The following FBN2 variants were observed in gnomAD, a reference collection of about 807,000 sequenced individuals.
FBN2 encodes the protein fibrillin-2.
A neutral mutation model predicts 355.6 loss-of-function variants in FBN2; 105 were observed. That is an observed-to-expected ratio of 0.30 (90% CI 0.25 to 0.35). The LOEUF (loss-of-function observed/expected upper bound fraction) is 0.35, where lower values mean the gene tolerates loss of function less well. FBN2 is among the 10% of genes least tolerant of loss of function. FBN2 has a pLI of 1.00. For synonymous variants in FBN2, 1,350 were observed against 1,301.2 expected, an observed-to-expected ratio of 1.04 and a Z score of -0.81; for missense variants, 3,280 against 3,758.7, an observed-to-expected ratio of 0.87 and a Z score of 3.33.
At chr5:128,503,947 C>G (rs955901597) in intron 5 of FBN2, among the ~76,000 whole-genome samples, 2 of 152,094 alleles carry the variant, frequency 1.3e-5, no homozygotes, top group Non-Finnish European at 2.9e-5. Flanking sequence ...CCCCAGGCCC[C>G]CCACACTCAA....
chr5:128,333,162 C>G, intron 31 of FBN2, 128 bp from the exon 32 acceptor site: 1 of 809,004 alleles, frequency 1.2e-6, no homozygotes. Context: ...AGTAGCCTAA[C>G]TAACTTTTAT....
At position 128,464,899 on chromosome 5, in the gene FBN2, G is replaced by A. The variant is rs1447263174; in HGVS notation, c.651C>T (p.Phe217=). 2 of 1,614,116 alleles carry A rather than the reference G, an allele frequency of 1.2e-6. No individual in the cohort carries two copies. Among genetic ancestry groups the A allele is most frequent in the African/African-American group, 2.7e-5 (2 of 74,946 alleles). ...GGCACATCTGGTTGTTGACCTGAGT[G>A]AAACACGGGCCTGTCCTGTAATCTG... The part of the protein sequence containing the change: ...CERDYRTGPC[F]TQVNNQMCQG... The change falls in exon 6 of 65, where the codon TTC becomes TTT. Residue 217 remains phenylalanine (F), a synonymous_variant. Coordinates refer to ENST00000262464, the MANE Select transcript of FBN2 (RefSeq NM_001999.4).
intron 4 of FBN2, among the ~76,000 whole-genome samples, chr5:128,519,594 T>C (rs188981439): frequency 5.3e-4 from 80 of 152,214 alleles, no homozygotes; most frequent in African/African-American, 1.9e-3. Flanking sequence ...TAAATCACAC[T>C]GTTAAGCAAG....
chr5:128,360,524 G>C (rs1204365113), intron 19 of FBN2, among the ~76,000 whole-genome samples: 2 of 151,950 alleles, frequency 1.3e-5, no homozygotes, highest in Non-Finnish European at 2.9e-5. Flanking sequence ...GTCACCAGAA[G>C]TAAGTTTAGA....
At chr5:128,436,579 C>A (rs1006229530) in intron 7 of FBN2, among the ~76,000 whole-genome samples, 4 of 148,556 alleles carry the variant, frequency 2.7e-5, no homozygotes, top group South Asian at 2.1e-4. Flanking sequence ...GATAGGAAAA[C>A]GGTAACCCTA....
intron 7 of FBN2, among the ~76,000 whole-genome samples, chr5:128,426,279 A>T (rs1294084218): frequency 6.6e-6 from 1 of 152,216 alleles, no homozygotes; most frequent in Non-Finnish European, 1.5e-5. Flanking sequence ...CACACTTCAG[A>T]GATCTTGACC....
chr5:128,342,811 C>T (rs1395057393), intron 25 of FBN2, among the ~76,000 whole-genome samples: 2 of 151,996 alleles, frequency 1.3e-5, no homozygotes, highest in South Asian at 4.2e-4. Flanking sequence ...TCACCAAAAC[C>T]TCCGCTTCCT....
intron 7 of FBN2, among the ~76,000 whole-genome samples, chr5:128,430,029 C>A (rs1753579683): frequency 6.6e-6 from 1 of 152,098 alleles, no homozygotes; most frequent in African/African-American, 2.4e-5. Flanking sequence ...TCATTTAAAG[C>A]ACTTTTTTTA....
At position 128,289,262 on chromosome 5, in the gene FBN2, A is replaced by G; in HGVS notation, c.6512-10T>C. The G allele has an allele frequency of 1.2e-6, 2 of 1,613,754 alleles. No homozygotes were observed. The highest frequency in any genetic ancestry group is 2.2e-5 in the East Asian group (1 of 44,878). On this transcript the variant is annotated splice_polypyrimidine_tract_variant and intron_variant, in intron 51 of 64. Transcript: ENST00000262464. Reference sequence around the variant, plus strand: ...AGACACTCATTGACATCTAAAATATAGAACTGCATGTGAATTTCCTCATAT... The same window carrying G: ...AGACACTCATTGACATCTAAAATATGGAACTGCATGTGAATTTCCTCATAT...
intron 39 of FBN2, among the ~76,000 whole-genome samples, chr5:128,310,402 A>ATATATATATATT (rs1475271868): frequency 4.3e-5 from 1 of 23,306 alleles, no homozygotes; most frequent in Non-Finnish European, 7.7e-5. Context: ...ATATATATAT[A>ATATATATATATT]TTTTTTTTTT....
Position 128,333,136 on chromosome 5 carries a change from A to C in FBN2, c.4100-102T>G, listed in dbSNP as rs111394223. On this transcript the variant is annotated intron_variant, in intron 31 of 64. Transcript: ENST00000262464. ...GGTAACATTTTAAAGTAAAGATGCAACCGTATGGAGAAAAGAGTAGCCTAA... is the reference window on the plus strand; with the variant it reads ...GGTAACATTTTAAAGTAAAGATGCACCCGTATGGAGAAAAGAGTAGCCTAA... 71 of 1,042,560 alleles carry C rather than the reference A, an allele frequency of 6.8e-5. 1 individual carries two copies. The African/African-American group carries it at 7.8e-4, about 11-fold the overall frequency. The allele number at this position is 1,042,560 out of a possible 1,614,324, so 64.6% of individuals were successfully genotyped here.
chr5:128,419,436 T>C (rs1753286910), intron 7 of FBN2, among the ~76,000 whole-genome samples: 1 of 152,200 alleles, frequency 6.6e-6, no homozygotes, highest in Non-Finnish European at 1.5e-5. Flanking sequence ...TGATGTTAGT[T>C]GTAGTTTTTC....
At chr5:128,502,653 T>C (rs1755850419) in intron 5 of FBN2, among the ~76,000 whole-genome samples, 1 of 152,250 alleles carries the variant, frequency 6.6e-6, no homozygotes, top group South Asian at 2.1e-4. Flanking sequence ...ATAAAAGAGA[T>C]TGTATAATGT....
At chr5:128,437,811 T>TAGAC (rs1292622326) in intron 7 of FBN2, among the ~76,000 whole-genome samples, 9 of 126,794 alleles carry the variant, frequency 7.1e-5, no homozygotes, top group East Asian at 3.9e-4. Flanking sequence ...GATAGATAGA[T>TAGAC]AGATAGATAG....
At chr5:128,303,555 G>C (rs915052551) in intron 45 of FBN2, among the ~76,000 whole-genome samples, 8 of 152,014 alleles carry the variant, frequency 5.3e-5, no homozygotes, top group Non-Finnish European at 8.8e-5. Context: ...TCCAAATTGA[G>C]GTTTATTAGA....
At chr5:128,272,463 C>CATATATATACATATATATATATATAT (rs1765291545) in intron 61 of FBN2, among the ~76,000 whole-genome samples, 1 of 139,818 alleles carries the variant, frequency 7.2e-6, no homozygotes, top group Non-Finnish European at 1.5e-5. Flanking sequence ...TTTGGTAAAT[C>CATATATATACATATATATATATATAT]ATATATATAT....
At chr5:128,358,519 C>T (rs1033601701) in intron 19 of FBN2, among the ~76,000 whole-genome samples, 6 of 152,106 alleles carry the variant, frequency 3.9e-5, no homozygotes, top group Admixed American at 6.6e-5. Flanking sequence ...GAGCAAGGCT[C>T]GCAGCGGAAT....
At chr5:128,288,082 A>T (rs1749209071) in intron 53 of FBN2, among the ~76,000 whole-genome samples, 1 of 152,206 alleles carries the variant, frequency 6.6e-6, no homozygotes, top group Non-Finnish European at 1.5e-5. Flanking sequence ...CTTCAGAGTA[A>T]TATAACTGAT....
intron 36 of FBN2, among the ~76,000 whole-genome samples, chr5:128,313,921 T>C (rs1028593747): frequency 6.7e-6 from 1 of 150,342 alleles, no homozygotes; most frequent in African/African-American, 2.4e-5. Context: ...ATCATTACTA[T>C]CTTTTTTTTT....
Sources: allele counts gnomAD v4.1 joint callset (sites outside exome capture counted in the v4.1 genomes callset), GRCh38; gene constraint gnomAD v4.1.1; transcripts MANE v1.5; gene names NCBI Gene and HGNC (gene_info 2026-07-23, HGNC 2026-07-21).